Variants in ADAM32 observed in about 807,000 individuals in gnomAD.
ADAM32 encodes the protein ADAM metallopeptidase domain 32.
In ADAM32, 89 loss-of-function variants were observed where a neutral mutation model predicts 114.9. That is an observed-to-expected ratio of 0.77 (90% CI 0.65 to 0.92). The LOEUF (loss-of-function observed/expected upper bound fraction) is 0.92, where lower values mean the gene tolerates loss of function less well. ADAM32 is among the 40% of genes least tolerant of loss of function. The pLI is 0.00. For synonymous variants in ADAM32, 285 were observed against 307.5 expected (o/e 0.93, Z 0.77); for missense variants, 870 against 932.8 (o/e 0.93, Z 0.88).
chr8:39,262,323 A>G (rs192004296), intron 19 of ADAM32, among the ~76,000 whole-genome samples: 5 of 152,026 alleles, frequency 3.3e-5, no homozygotes, highest in Admixed American at 3.3e-4. Flanking sequence ...TCCAATGAAT[A>G]TTCTTGGCAC....
intron 22 of ADAM32, 101 bp downstream of exon 22, chr8:39,275,967 G>T: frequency 3.5e-5 from 40 of 1,133,206 alleles, no homozygotes. Context: ...TATTAACTGA[G>T]TAGCCACAAT....
chr8:39,117,987 A>AC (rs1262189109), intron 1 of ADAM32, 99 bp from the exon 2 acceptor site: 3 of 726,630 alleles, frequency 4.1e-6, no homozygotes, highest in Non-Finnish European at 6.6e-6. Context: ...GTGATGAGCC[A>AC]CCCATACCTG....
rs1346598199 is a variant in ADAM32, at chr8:39,160,957, A to C, written c.586A>C (p.Lys196Gln). Reference sequence around the variant, plus strand: ...TCTAGAAATGCATATTGTGGTGGACAAAACTTTGGTATGTGTTTTGCTTTT... The same window carrying C: ...TCTAGAAATGCATATTGTGGTGGACCAAACTTTGGTATGTGTTTTGCTTTT... The part of the protein sequence containing the change: ...LYLEMHIVVD[K>Q]TLYDYWGSDS... Residue 196 changes from lysine (K) to glutamine (Q), a missense_variant, in exon 7 of 25, where the codon AAA becomes CAA. By Grantham distance (53) the Lys-to-Gln change is moderately conservative (BLOSUM62 1). Coordinates refer to ENST00000379907, the MANE Select transcript of ADAM32 (RefSeq NM_145004.7). 4 of 1,591,948 alleles carry C rather than the reference A, an allele frequency of 2.5e-6. No individual in the cohort carries two copies. The highest frequency in any genetic ancestry group is 3.4e-6 in the Non-Finnish European group (4 of 1,169,648).
intron 9 of ADAM32, chr8:39,167,448 TTACAG>T (rs1804911632): frequency 6.6e-6 from 1 of 152,264 alleles, no homozygotes; most frequent in Non-Finnish European, 1.5e-5. Flanking sequence ...GACTATGGCC[TTACAG>T]TATAGTTTCA....
chr8:39,253,268 T>G (rs183976901), intron 17 of ADAM32, among the ~76,000 whole-genome samples: 1 of 151,544 alleles, frequency 6.6e-6, no homozygotes, highest in East Asian at 1.9e-4. Flanking sequence ...AAAAACTCAA[T>G]ACGTTAGGAA....
intron 23 of ADAM32, among the ~76,000 whole-genome samples, chr8:39,282,170 A>G (rs954402078): frequency 1.3e-5 from 2 of 152,180 alleles, no homozygotes; most frequent in African/African-American, 4.8e-5. Flanking sequence ...AATTCTCCCA[A>G]TCTTCTGCTC....
chr8:39,277,668 C>T (rs1174789824), intron 22 of ADAM32, among the ~76,000 whole-genome samples: 1 of 152,244 alleles, frequency 6.6e-6, no homozygotes, highest in Non-Finnish European at 1.5e-5. Context: ...GGATCAAACT[C>T]CACTCACTGG....
At chr8:39,263,354 T>G (rs1812160399) in intron 19 of ADAM32, among the ~76,000 whole-genome samples, 1 of 152,202 alleles carries the variant, frequency 6.6e-6, no homozygotes, top group South Asian at 2.1e-4. Context: ...AAACTTTATT[T>G]TTCTATAAGT....
At position 39,271,707 on chromosome 8, in the gene ADAM32, C is replaced by T. The variant is rs116492923; in HGVS notation, c.2201+793C>T. On this transcript the variant is annotated intron_variant, in intron 20 of 24. Coordinates refer to ENST00000379907, the MANE Select transcript of ADAM32 (RefSeq NM_145004.7). The stretch of plus-strand genomic sequence containing the variant: ...AACATATAAAAGACCAGTTAAGAAA[C>T]AAAAGAATTCAGAGACAGAAAATTT... Among the ~76,000 whole-genome samples, 752 of 151,920 alleles carry T rather than the reference C, an allele frequency of 4.9e-3. 8 individuals are homozygous for T. The highest frequency in any genetic ancestry group is 0.017 in the African/African-American group (686 of 41,438).
intron 11 of ADAM32, among the ~76,000 whole-genome samples, chr8:39,199,434 T>G (rs1807227892): frequency 2.0e-5 from 3 of 152,218 alleles, no homozygotes; most frequent in African/African-American, 4.8e-5. Context: ...TAAAAAGCTC[T>G]GTCTTCAAGT....
At chr8:39,126,762 A>T (rs1394003560) in intron 2 of ADAM32, among the ~76,000 whole-genome samples, 1 of 152,148 alleles carries the variant, frequency 6.6e-6, no homozygotes, top group Non-Finnish European at 1.5e-5. Flanking sequence ...GCAAGGGAAA[A>T]GCTTCCAGCT....
chr8:39,159,995 G>GT lies in ADAM32; in HGVS notation c.526-895dup, dbSNP rs370901116. On this transcript the variant is annotated intron_variant, in intron 6 of 24. Transcript: ENST00000379907. ...GCATTGTCCTGTTTTTTATTTTTAT[G>GT]TTTTTTTCTGGGGCAATTGCGTGAA... 3.7e-3 allele frequency among the ~76,000 whole-genome samples: 563 copies of GT among 152,054 alleles called. 8 individuals carry two copies. Among genetic ancestry groups the GT allele is most frequent in the African/African-American group, 0.011 (464 of 41,462 alleles).
chr8:39,224,955 A>G (rs1247144428), intron 14 of ADAM32, among the ~76,000 whole-genome samples: 2 of 152,032 alleles, frequency 1.3e-5, no homozygotes, highest in African/African-American at 4.8e-5. Context: ...AGAAGGGAGG[A>G]AGCTATCAGT....
At chr8:39,238,794 A>G (rs933197446) in intron 16 of ADAM32, among the ~76,000 whole-genome samples, 1 of 152,166 alleles carries the variant, frequency 6.6e-6, no homozygotes, top group African/African-American at 2.4e-5. Context: ...GAAAGTTTCA[A>G]CAATAGAATT....
At chr8:39,188,841 T>G (rs1015828376) in intron 11 of ADAM32, among the ~76,000 whole-genome samples, 8 of 152,180 alleles carry the variant, frequency 5.3e-5, no homozygotes, top group Non-Finnish European at 1.0e-4. Context: ...AGTATTATAT[T>G]AATTTTTACA....
chr8:39,145,420 C>A (rs533224953), intron 3 of ADAM32, among the ~76,000 whole-genome samples: 15 of 152,230 alleles, frequency 9.9e-5, no homozygotes, highest in African/African-American at 3.6e-4. Context: ...TAAAAGCAAC[C>A]TTTTTATATA....
At chr8:39,273,920 T>A (rs1018396215) in intron 20 of ADAM32, among the ~76,000 whole-genome samples, 1 of 152,206 alleles carries the variant, frequency 6.6e-6, no homozygotes, top group Non-Finnish European at 1.5e-5. Context: ...AATACTGTCT[T>A]TTTTTAAACA....
At chr8:39,264,948 T>C (rs1243219697) in intron 19 of ADAM32, among the ~76,000 whole-genome samples, 2 of 152,104 alleles carry the variant, frequency 1.3e-5, no homozygotes, top group Admixed American at 6.6e-5. Context: ...GTGAAGAATT[T>C]ACATTGTGGT....
At chr8:39,200,758 T>C (rs1409092873) in intron 11 of ADAM32, among the ~76,000 whole-genome samples, 1 of 152,212 alleles carries the variant, frequency 6.6e-6, no homozygotes, top group Non-Finnish European at 1.5e-5. Flanking sequence ...TGGTTTTAGG[T>C]CTAACATTTC....
Sources: allele counts gnomAD v4.1 joint callset (sites outside exome capture counted in the v4.1 genomes callset), GRCh38; gene constraint gnomAD v4.1.1; transcripts MANE v1.5; gene names NCBI Gene and HGNC (gene_info 2026-07-23, HGNC 2026-07-21).